The following RALYL variants were observed in gnomAD, a reference collection of about 807,000 sequenced individuals.
RALYL encodes the protein RNA-binding Raly-like protein.
A neutral mutation model predicts 35.1 loss-of-function variants in RALYL; 29 were observed. That is an observed-to-expected ratio of 0.83 (90% CI 0.61 to 1.13). The LOEUF is 1.13. Among genes scored for constraint, RALYL ranks in the 50% most tolerant of loss-of-function variants. RALYL has a pLI of 0.00. For synonymous variants in RALYL, 120 were observed against 127.6 expected, an observed-to-expected ratio of 0.94 and a Z score of 0.40; for missense variants, 359 against 360.4, an observed-to-expected ratio of 1.00 and a Z score of 0.03.
chr8:84,241,118 A>G (rs1009029856), intron 1 of RALYL, among the ~76,000 whole-genome samples: 2 of 152,146 alleles, frequency 1.3e-5, no homozygotes, highest in Non-Finnish European at 2.9e-5. Flanking sequence ...ACTTAAAAAA[A>G]CATACACATA....
chr8:84,286,533 C>A (rs1010303093), intron 1 of RALYL, among the ~76,000 whole-genome samples: 1 of 152,114 alleles, frequency 6.6e-6, no homozygotes, highest in Admixed American at 6.6e-5. Flanking sequence ...CAGAGCACCT[C>A]GCAAGGAGAA....
At chr8:84,343,550 C>A (rs1166212335) in intron 1 of RALYL, among the ~76,000 whole-genome samples, 1 of 152,032 alleles carries the variant, frequency 6.6e-6, no homozygotes, top group East Asian at 1.9e-4. Context: ...ATATTTTTTC[C>A]TCCTCTTAAT....
chr8:84,663,588 T>C (rs1266087016), intron 2 of RALYL, among the ~76,000 whole-genome samples: 1 of 152,228 alleles, frequency 6.6e-6, no homozygotes, highest in African/African-American at 2.4e-5. Context: ...TTGAGCTTTT[T>C]TTCATGTTTG....
chr8:84,721,661 A>G (rs937232947), intron 2 of RALYL, among the ~76,000 whole-genome samples: 2 of 152,148 alleles, frequency 1.3e-5, no homozygotes, highest in Non-Finnish European at 2.9e-5. Flanking sequence ...TAATCTCAGC[A>G]GTAACTCAGT....
At chr8:84,593,050 C>T (rs1364189021) in intron 2 of RALYL, among the ~76,000 whole-genome samples, 1 of 152,054 alleles carries the variant, frequency 6.6e-6, no homozygotes, top group Non-Finnish European at 1.5e-5. Flanking sequence ...CAACATATGA[C>T]TGCTTTTTTC....
At chr8:84,816,268 T>A (rs1827271263) in intron 4 of RALYL, among the ~76,000 whole-genome samples, 1 of 152,172 alleles carries the variant, frequency 6.6e-6, no homozygotes, top group African/African-American at 2.4e-5. Context: ...AAGCACTGAC[T>A]GTTGATACCT....
intron 1 of RALYL, among the ~76,000 whole-genome samples, chr8:84,289,659 A>G (rs1387058374): frequency 6.6e-6 from 1 of 152,220 alleles, no homozygotes; most frequent in Non-Finnish European, 1.5e-5. Context: ...ACAAATGTTT[A>G]AATGAAGAAT....
Position 84,914,997 on chromosome 8 carries a change from A to C in RALYL, c.859-5897A>C, listed in dbSNP as rs191057864. Among the ~76,000 whole-genome samples, 25 of 152,220 alleles carry C rather than the reference A, an allele frequency of 1.6e-4. 1 individual carries two copies. The East Asian group carries it at 3.9e-3, about 24-fold the overall frequency. On this transcript the variant is annotated intron_variant, in intron 8 of 8. Transcript: ENST00000521268. The stretch of plus-strand genomic sequence containing the variant: ...TCAGAGAAAGCTCTAGTCTGGGCAG[A>C]CAGGCAAATCATTCATTCTCTGATA...
At chr8:84,617,905 G>C (rs1438442387) in intron 2 of RALYL, among the ~76,000 whole-genome samples, 1 of 151,754 alleles carries the variant, frequency 6.6e-6, no homozygotes, top group Non-Finnish European at 1.5e-5. Flanking sequence ...TTATTGATTT[G>C]CGTATATTGA....
intron 1 of RALYL, among the ~76,000 whole-genome samples, chr8:84,466,771 C>A: frequency 7.6e-6 from 1 of 131,276 alleles, no homozygotes; most frequent in Admixed American, 7.8e-5. Flanking sequence ...TCCATCTGGT[C>A]CTGGACTCTT....
At chr8:84,838,008 A>C (rs1192115693) in intron 4 of RALYL, among the ~76,000 whole-genome samples, 1 of 152,144 alleles carries the variant, frequency 6.6e-6, no homozygotes, top group African/African-American at 2.4e-5. Flanking sequence ...CCAAATAGTC[A>C]TACTAAACTA....
At chr8:84,795,005 C>A (rs564839912) in intron 3 of RALYL, among the ~76,000 whole-genome samples, 1 of 152,120 alleles carries the variant, frequency 6.6e-6, no homozygotes, top group Non-Finnish European at 1.5e-5. Context: ...AGTTAGCAGC[C>A]CAGATGGTGG....
At chr8:84,698,436 CAT>C (rs1280259153) in intron 2 of RALYL, among the ~76,000 whole-genome samples, 1 of 152,036 alleles carries the variant, frequency 6.6e-6, no homozygotes, top group Non-Finnish European at 1.5e-5. Flanking sequence ...ATGATAATAA[CAT>C]ATATTCTTTG....
intron 4 of RALYL, chr8:84,828,693 G>C: frequency 5.4e-6 from 1 of 184,996 alleles, no homozygotes; most frequent in Non-Finnish European, 1.2e-5. Flanking sequence ...TCAGTTTCTT[G>C]CTTAGCAAAC....
At chr8:84,296,095 G>T (rs1261197184) in intron 1 of RALYL, among the ~76,000 whole-genome samples, 2 of 152,078 alleles carry the variant, frequency 1.3e-5, no homozygotes, top group Non-Finnish European at 2.9e-5. Context: ...AATAGGTATT[G>T]TCCCTGAGGA....
intron 1 of RALYL, among the ~76,000 whole-genome samples, chr8:84,216,523 C>G (rs140609214): frequency 7.4e-4 from 112 of 152,180 alleles, no homozygotes; most frequent in African/African-American, 2.4e-3. Flanking sequence ...TTAACATATT[C>G]ATCATCTCAC....
chr8:84,423,541 C>G (rs1050554798), intron 1 of RALYL, among the ~76,000 whole-genome samples: 11 of 151,982 alleles, frequency 7.2e-5, no homozygotes, highest in Admixed American at 2.6e-4. Flanking sequence ...AGAATTTAGT[C>G]CATTTATATT....
At chr8:84,736,205 T>C (rs2132963072) in intron 2 of RALYL, among the ~76,000 whole-genome samples, 1 of 152,272 alleles carries the variant, frequency 6.6e-6, no homozygotes, top group South Asian at 2.1e-4. Flanking sequence ...TAATGCTGTT[T>C]TCAAAGATGC....
chr8:84,471,513 G>A (rs2052749734), intron 1 of RALYL, among the ~76,000 whole-genome samples: 1 of 151,902 alleles, frequency 6.6e-6, no homozygotes, highest in African/African-American at 2.4e-5. Context: ...AAGATGGCTT[G>A]AGCCCAGGAG....
Sources: gnomAD v4.1 joint callset for allele counts (sites outside exome capture counted in the v4.1 genomes callset) on GRCh38, gnomAD v4.1.1 for gene constraint, MANE v1.5 for transcripts, NCBI Gene and HGNC (gene_info 2026-07-23, HGNC 2026-07-21) for gene names.